The following RBM47 variants were observed in gnomAD, a reference collection of about 807,000 sequenced individuals.
RBM47 encodes the protein RNA binding motif protein 47, also known as RNA-binding protein 47.
In RBM47, 21 loss-of-function variants were observed where a neutral mutation model predicts 47.1. The ratio of observed to expected loss-of-function variants is 0.45; its 90% CI spans 0.32 to 0.64. The LOEUF (loss-of-function observed/expected upper bound fraction) is 0.64. Among genes scored for constraint, RBM47 ranks in the 30% least tolerant of loss-of-function variants. RBM47 has a pLI of 0.05. For synonymous variants in RBM47, 375 were observed against 361.7 expected, an observed-to-expected ratio of 1.04 and a Z score of -0.42; for missense variants, 708 against 870.9, an observed-to-expected ratio of 0.81 and a Z score of 2.35.
rs10581870 is a variant in RBM47 at position 40,443,717 on chromosome 4, C to CAAAAAAAA, written c.-31-4801_-31-4794dup. Among the ~76,000 whole-genome samples, 72 of 47,746 alleles carry CAAAAAAAA rather than the reference C, an allele frequency of 1.5e-3. 4 individuals carry two copies. Among genetic ancestry groups the CAAAAAAAA allele is most frequent in the Non-Finnish European group, 1.6e-3 (44 of 26,950 alleles). 31.3% of individuals were successfully genotyped at this position (47,746 alleles called of 152,430 possible). On this transcript the variant is annotated intron_variant, in intron 3 of 6. Coordinates refer to ENST00000295971, the MANE Select transcript of RBM47 (RefSeq NM_001098634.2). ...GGGCAACAAGAGTGAAACTCCTTCTCAAAAAAAAAAAAAAAAAAAAAAAAA... is the reference window on the plus strand; with the variant it reads ...GGGCAACAAGAGTGAAACTCCTTCTCAAAAAAAAAAAAAAAAAAAAAAAAAAAAAAAAA...
At chr4:40,526,040 G>A (rs1459655737) in intron 2 of RBM47, among the ~76,000 whole-genome samples, 2 of 152,212 alleles carry the variant, frequency 1.3e-5, no homozygotes, top group Non-Finnish European at 2.9e-5. Flanking sequence ...AGGACAAACT[G>A]AAATGCAAGC....
At chr4:40,541,850 G>T (rs1252745639) in intron 2 of RBM47, among the ~76,000 whole-genome samples, 4 of 152,192 alleles carry the variant, frequency 2.6e-5, no homozygotes, top group Non-Finnish European at 5.9e-5. Context: ...GGTTCAAGTA[G>T]CTGCCTCTGT....
intron 1 of RBM47, among the ~76,000 whole-genome samples, chr4:40,550,309 G>A (rs1306114799): frequency 6.6e-6 from 1 of 152,146 alleles, no homozygotes; most frequent in Admixed American, 6.5e-5. Context: ...ACTGCAGAGG[G>A]GCATGAGAAA....
At chr4:40,520,330 G>A (rs1193982643) in intron 2 of RBM47, among the ~76,000 whole-genome samples, 2 of 152,140 alleles carry the variant, frequency 1.3e-5, no homozygotes, top group South Asian at 2.1e-4. Flanking sequence ...TCTAAGTGGA[G>A]TTTTTTCTCT....
chr4:40,533,018 A>G (rs1727564617), intron 2 of RBM47, among the ~76,000 whole-genome samples: 2 of 152,200 alleles, frequency 1.3e-5, no homozygotes, highest in African/African-American at 4.8e-5. Flanking sequence ...ATTCACTTTC[A>G]GACAGGACTC....
chr4:40,427,347 G>A (rs1156794517), intron 6 of RBM47: 2 of 152,208 alleles, frequency 1.3e-5, no homozygotes, highest in Non-Finnish European at 2.9e-5. Context: ...AGTGGGCAAG[G>A]ACAAGCTAAG....
chr4:40,565,462 G>A (rs143803819), intron 1 of RBM47, among the ~76,000 whole-genome samples: 45 of 152,272 alleles, frequency 3.0e-4, no homozygotes, highest in African/African-American at 8.4e-4. Flanking sequence ...GGTGGTGGTG[G>A]ACACATAGGA....
chr4:40,590,848 G>A (rs1003977455), intron 1 of RBM47, among the ~76,000 whole-genome samples: 4 of 152,282 alleles, frequency 2.6e-5, no homozygotes, highest in South Asian at 2.1e-4. Flanking sequence ...TGTCACCCAC[G>A]CTGGAGTGCA....
At chr4:40,457,393 A>G (rs184184821) in intron 3 of RBM47, among the ~76,000 whole-genome samples, 43 of 147,934 alleles carry the variant, frequency 2.9e-4, no homozygotes, top group African/African-American at 1.0e-3. Context: ...ACTGCACTCC[A>G]GCCTGGGTGA....
rs1271004409 is a variant in RBM47 at position 40,432,527 on chromosome 4, C to T, written c.1542+124G>A. The T allele has an allele frequency of 2.0e-6, 3 of 1,493,474 alleles. No homozygotes were observed. The Admixed American group carries it at 7.2e-5, about 36-fold the overall frequency. The allele number at this position is 1,493,474 out of a possible 1,614,324, so 92.5% of individuals were successfully genotyped here. A position where few individuals can be genotyped will look rare whatever the true frequency, so the allele number is the denominator to read the frequency against. ...GCTTCAAATTCAAAATGCTTTGTGTCACCCAACCATAGCTGTAACAGAGAG... is the reference window on the plus strand; with the variant it reads ...GCTTCAAATTCAAAATGCTTTGTGTTACCCAACCATAGCTGTAACAGAGAG... On this transcript the variant is annotated intron_variant, in intron 6 of 6. Transcript: ENST00000295971.
rs1714618576 is a variant in RBM47 at position 40,423,428 on chromosome 4, T to G, written c.*2476A>C. The G allele has an allele frequency of 1.3e-5, 2 of 152,032 alleles. No homozygotes were observed. Among genetic ancestry groups the G allele is most frequent in the African/African-American group, 4.8e-5 (2 of 41,416 alleles). The allele number at this position is 152,032 out of a possible 1,614,324, so 9.4% of individuals were successfully genotyped here. On this transcript the variant is annotated 3_prime_UTR_variant, in exon 7 of 7. Coordinates refer to ENST00000295971, the MANE Select transcript of RBM47 (RefSeq NM_001098634.2). ...TGAAAACAGAACTCTAAAACTTTTTTTTTACATTTATATAGTTTGTTCTTA... is the reference window on the plus strand; with the variant it reads ...TGAAAACAGAACTCTAAAACTTTTTGTTTACATTTATATAGTTTGTTCTTA...
At chr4:40,428,193 CAAACA>C (rs71196867) in intron 6 of RBM47, among the ~76,000 whole-genome samples, 36,518 of 149,020 alleles carry the variant, frequency 0.25, 4,969 homozygotes, top group Non-Finnish European at 0.32. Flanking sequence ...GACCTTGTCT[CAAACA>C]AAACAAAACA....
intron 1 of RBM47, among the ~76,000 whole-genome samples, chr4:40,600,777 G>A (rs1229879811): frequency 2.6e-5 from 4 of 151,216 alleles, no homozygotes; most frequent in African/African-American, 7.3e-5. Context: ...ACCTGAGGTC[G>A]GGAGTTCAAG....
upstream of RBM47, chr4:40,630,233 C>A (rs1243205385): frequency 6.6e-6 from 1 of 152,398 alleles, no homozygotes; most frequent in Admixed American, 6.5e-5. Flanking sequence ...ACCTGCTCCA[C>A]CTGGGGGCAT....
chr4:40,533,332 G>A (rs1727592996), intron 2 of RBM47, among the ~76,000 whole-genome samples: 2 of 151,890 alleles, frequency 1.3e-5, no homozygotes, highest in African/African-American at 4.8e-5. Context: ...TACTTGGGAG[G>A]CTGAGGCAGG....
At chr4:40,459,132 GT>G (rs2154224909) in intron 3 of RBM47, among the ~76,000 whole-genome samples, 1 of 152,252 alleles carries the variant, frequency 6.6e-6, no homozygotes, top group South Asian at 2.1e-4. Context: ...TTTATGCATT[GT>G]TTGAAATGTC....
intron 3 of RBM47, among the ~76,000 whole-genome samples, chr4:40,452,343 G>A (rs149319583): frequency 1.3e-5 from 2 of 152,230 alleles, no homozygotes; most frequent in African/African-American, 4.8e-5. Flanking sequence ...AAGGGTCTAA[G>A]TCTCTCACTT....
chr4:40,528,504 A>G (rs768031469), intron 2 of RBM47, among the ~76,000 whole-genome samples: 4 of 152,042 alleles, frequency 2.6e-5, no homozygotes, highest in Admixed American at 6.6e-5. Flanking sequence ...ATGTAACTAC[A>G]TATCTAAAAT....
rs1727841452 is a variant in RBM47 at position 40,535,371 on chromosome 4, C to CTTTTTTTTTTTTTTTTCTTTT, written c.-155+9050_-155+9051insAAAAGAAAAAAAAAAAAAAAA. On this transcript the variant is annotated intron_variant, in intron 2 of 6. Coordinates refer to ENST00000295971, the MANE Select transcript of RBM47 (RefSeq NM_001098634.2). ...TTCATACCAGCCTGGTATGGTATTT[C>CTTTTTTTTTTTTTTTTCTTTT]TTTTTTTTTTTTTTTTTTTGAGACG... Among the ~76,000 whole-genome samples the CTTTTTTTTTTTTTTTTCTTTT allele has an allele frequency of 9.4e-4, 97 of 103,420 alleles. 2 individuals are homozygous for CTTTTTTTTTTTTTTTTCTTTT. The highest frequency in any genetic ancestry group is 3.0e-3 in the African/African-American group (69 of 23,086). The allele number at this position is 103,420 out of a possible 152,430, so 67.8% of individuals were successfully genotyped here.
Sources: gnomAD v4.1 joint callset for allele counts (sites outside exome capture counted in the v4.1 genomes callset) on GRCh38, gnomAD v4.1.1 for gene constraint, MANE v1.5 for transcripts, NCBI Gene and HGNC (gene_info 2026-07-23, HGNC 2026-07-21) for gene names.